KIRREL3: variants seen among roughly 807,000 people sequenced by gnomAD.
The protein encoded by KIRREL3 is kirre like nephrin family adhesion molecule 3.
KIRREL3 carries 36 observed loss-of-function variants against 89.7 expected under a neutral mutation model. That is an observed-to-expected ratio of 0.40 (90% confidence interval 0.31 to 0.53). KIRREL3 has a LOEUF of 0.53. Among genes scored for constraint, KIRREL3 ranks in the 20% least tolerant of loss-of-function variants. The pLI is 0.49. For synonymous variants in KIRREL3, 445 were observed against 441.4 expected (o/e 1.01, Z -0.10); for missense variants, 864 against 1,056.6 (o/e 0.82, Z 2.53).
intron 1 of KIRREL3, among the ~76,000 whole-genome samples, chr11:126,838,563 C>T (rs925653944): frequency 5.3e-5 from 8 of 152,134 alleles, no homozygotes; most frequent in African/African-American, 1.9e-4. Context: ...TTTTAAAGCG[C>T]CTCCCTCTGA....
In KIRREL3 at chr11:126,923,085, A is replaced by ATCTTCT. The variant is rs1310357745; in HGVS notation, c.55+77364_55+77369dup. ...TGTTTCTGCTCAGCTTGCCTTGTGGATCTTCTTCTTCTTCTTCTCCTTCTC... is the reference window on the plus strand; with the variant it reads ...TGTTTCTGCTCAGCTTGCCTTGTGGATCTTCTTCTTCTTCTTCTTCTTCTCCTTCTC... On this transcript the variant is annotated intron_variant, in intron 1 of 16. Coordinates refer to ENST00000525144, the MANE Select transcript of KIRREL3 (RefSeq NM_032531.4). 1.6e-5 allele frequency among the ~76,000 whole-genome samples: 2 copies of ATCTTCT among 122,214 alleles called. 1 individual carries two copies. Among genetic ancestry groups the ATCTTCT allele is most frequent in the African/African-American group, 6.7e-5 (2 of 30,050 alleles). The allele number at this position is 122,214 out of a possible 152,430, so 80.2% of individuals were successfully genotyped here.
chr11:126,450,972 TG>T (rs1473464752), intron 7 of KIRREL3, among the ~76,000 whole-genome samples: 1 of 150,080 alleles, frequency 6.7e-6, no homozygotes, highest in East Asian at 2.0e-4. Context: ...TGTGCATGCA[TG>T]GGTGTGTGCA....
Position 126,808,755 on chromosome 11 carries a change from A to C in KIRREL3, c.55+191700T>G, listed in dbSNP as rs972579544. On this transcript the variant is annotated intron_variant, in intron 1 of 16. Transcript: ENST00000525144. The surrounding 1 kb of genome is among the most constrained non-coding windows in gnomAD (Gnocchi z 4.1). The stretch of plus-strand genomic sequence containing the variant: ...ATTTCCACATGCATATATAGAATGA[A>C]TTGTTGAGACGGAGAATATATTTTG... Among the ~76,000 whole-genome samples the C allele has an allele frequency of 6.6e-6, 1 of 152,176 alleles. No homozygotes were observed. The highest frequency in any genetic ancestry group is 2.1e-4 in the South Asian group (1 of 4,820).
At chr11:126,663,278 C>CG in intron 1 of KIRREL3, among the ~76,000 whole-genome samples, 1 of 149,140 alleles carries the variant, frequency 6.7e-6, no homozygotes, top group African/African-American at 2.5e-5. Context: ...CTCTGCCTCC[C>CG]GGGGTCAAGT....
intron 1 of KIRREL3, among the ~76,000 whole-genome samples, chr11:126,718,846 G>A (rs998998038): frequency 6.6e-6 from 1 of 152,214 alleles, no homozygotes; most frequent in South Asian, 2.1e-4. Context: ...GATACAGGGG[G>A]CCTCACTGAG....
chr11:126,441,484 C>T lies in KIRREL3; in HGVS notation c.1253-935G>A, dbSNP rs1426340108. ...GCTAGCTTAGCCTGGGCTCTGCTGG[C>T]TTCCTGGCTGGGCTGGGTGGTTGAA... is the stretch of plus-strand genomic sequence containing the variant. On this transcript the variant is annotated intron_variant, in intron 10 of 16. Coordinates refer to ENST00000525144, the MANE Select transcript of KIRREL3 (RefSeq NM_032531.4). The surrounding 1 kb of genome is among the most constrained non-coding windows in gnomAD (Gnocchi z 5.0). Among the ~76,000 whole-genome samples the T allele has an allele frequency of 6.6e-6, 1 of 152,230 alleles. No homozygotes were observed. The highest frequency in any genetic ancestry group is 2.4e-5 in the African/African-American group (1 of 41,462).
rs750087290 is a variant in KIRREL3, at chr11:126,463,154, C to T, written c.742+3G>A. The stretch of plus-strand genomic sequence containing the variant: ...TGGGTTGGGGGAGGGGGTGGGTACT[C>T]ACGCTGGATGTCAATGGTGACCGAC... On this transcript the variant is annotated splice_donor_region_variant and intron_variant, in intron 6 of 16. Coordinates refer to ENST00000525144, the MANE Select transcript of KIRREL3 (RefSeq NM_032531.4). The surrounding 1 kb of genome is among the most constrained non-coding windows in gnomAD (Gnocchi z 5.9). 5 of 1,612,246 alleles carry T rather than the reference C, an allele frequency of 3.1e-6. No individual in the cohort carries two copies. The highest frequency in any genetic ancestry group is 2.2e-5 in the South Asian group (2 of 90,904).
rs1211147952 is a variant in KIRREL3 at position 126,484,554 on chromosome 11, G to T, written c.434-11088C>A. The stretch of plus-strand genomic sequence containing the variant: ...AGCAGCAGAGCTGGGATATGGGTAG[G>T]GTTTCCAGACTTAACAAATCAAAGA... On this transcript the variant is annotated intron_variant, in intron 4 of 16. Transcript: ENST00000525144. The surrounding 1 kb of genome is among the most constrained non-coding windows in gnomAD (Gnocchi z 5.2). 6.6e-6 allele frequency among the ~76,000 whole-genome samples: 1 copy of T among 152,120 alleles called. No individual in the cohort carries two copies. The highest frequency in any genetic ancestry group is 1.5e-5 in the Non-Finnish European group (1 of 68,020).
At chr11:126,506,785 T>TTG (rs955942527) in intron 4 of KIRREL3, among the ~76,000 whole-genome samples, 2 of 151,874 alleles carry the variant, frequency 1.3e-5, no homozygotes, top group African/African-American at 4.9e-5. Context: ...CAATTTTTTT[T>TTG]TTTTGTTTTT....
chr11:126,768,301 T>A lies in KIRREL3; in HGVS notation c.56-205389A>T, dbSNP rs1949910894. Among the ~76,000 whole-genome samples, 1 of 151,986 alleles carries A rather than the reference T, an allele frequency of 6.6e-6. No individual in the cohort carries two copies. Among genetic ancestry groups the A allele is most frequent in the Non-Finnish European group, 1.5e-5 (1 of 67,994 alleles). ...ATTCATCCATCCATCCATCCATCCA[T>A]CCAATCTGTCCATCTGTCCATCCAT... On this transcript the variant is annotated intron_variant, in intron 1 of 16. Transcript: ENST00000525144. The surrounding 1 kb of genome is among the most constrained non-coding windows in gnomAD (Gnocchi z 4.5).
intron 4 of KIRREL3, among the ~76,000 whole-genome samples, chr11:126,507,122 C>T (rs1485429019): frequency 1.3e-5 from 2 of 152,136 alleles, no homozygotes; most frequent in African/African-American, 4.8e-5. Flanking sequence ...ACACACAAGG[C>T]CACATATGAT....
At position 126,673,360 on chromosome 11, in the gene KIRREL3, G is replaced by A. The variant is rs192543951; in HGVS notation, c.56-110448C>T. 2.9e-3 allele frequency among the ~76,000 whole-genome samples: 436 copies of A among 152,312 alleles called. 3 individuals carry two copies. Among genetic ancestry groups the A allele is most frequent in the African/African-American group, 0.01 (422 of 41,560 alleles). ...GCAGGCAGAGTTTGGGCTCAGGCAG[G>A]TGGCACCAAGAGGAAAATTTATGGA... is the stretch of plus-strand genomic sequence containing the variant. On this transcript the variant is annotated intron_variant, in intron 1 of 16. Coordinates refer to ENST00000525144, the MANE Select transcript of KIRREL3 (RefSeq NM_032531.4).
rs1488752143 is a variant in KIRREL3 at position 126,523,110 on chromosome 11, C to T, written c.284-1646G>A. Among the ~76,000 whole-genome samples the T allele has an allele frequency of 6.6e-6, 1 of 152,180 alleles. No homozygotes were observed. The highest frequency in any genetic ancestry group is 1.9e-4 in the East Asian group (1 of 5,192). On this transcript the variant is annotated intron_variant, in intron 3 of 16. Coordinates refer to ENST00000525144, the MANE Select transcript of KIRREL3 (RefSeq NM_032531.4). This position sits in a 1 kb window ranked among gnomAD's most constrained non-coding sequence, Gnocchi z 4.9. ...CACCAGCACCAACAGGCAGAATTCA[C>T]ATGGGGAGGTTCTTTAGAATATTCT...
chr11:126,606,205 A>G lies in KIRREL3; in HGVS notation c.56-43293T>C, dbSNP rs1236817644. ...CATCTAAAGCACTCAAATCAGAGTC[A>G]CTAGTATTATTAATGTTAAAATATT... is the stretch of plus-strand genomic sequence containing the variant. On this transcript the variant is annotated intron_variant, in intron 1 of 16. Transcript: ENST00000525144. This position sits in a 1 kb window ranked among gnomAD's most constrained non-coding sequence, Gnocchi z 4.6. 6.6e-6 allele frequency among the ~76,000 whole-genome samples: 1 copy of G among 152,224 alleles called. No individual in the cohort carries two copies. Among genetic ancestry groups the G allele is most frequent in the Non-Finnish European group, 1.5e-5 (1 of 68,042 alleles).
At chr11:126,922,914 C>A (rs1314554130) in intron 1 of KIRREL3, among the ~76,000 whole-genome samples, 10 of 152,166 alleles carry the variant, frequency 6.6e-5, no homozygotes, top group Admixed American at 1.3e-4. Flanking sequence ...TGGTTCTTGC[C>A]GAGGTTGCGA....
intron 1 of KIRREL3, among the ~76,000 whole-genome samples, chr11:126,911,190 G>A (rs1304862708): frequency 6.6e-6 from 1 of 152,126 alleles, no homozygotes; most frequent in Non-Finnish European, 1.5e-5. Context: ...TTCTAGACAT[G>A]GCCCCTCCAA....
At chr11:126,675,435 T>G (rs1946144168) in intron 1 of KIRREL3, among the ~76,000 whole-genome samples, 1 of 152,240 alleles carries the variant, frequency 6.6e-6, no homozygotes, top group South Asian at 2.1e-4. Context: ...ACATTTAGCA[T>G]TGGCTTACCT....
chr11:126,690,455 C>G (rs1434893001), intron 1 of KIRREL3, among the ~76,000 whole-genome samples: 1 of 151,734 alleles, frequency 6.6e-6, no homozygotes, highest in African/African-American at 2.4e-5. Flanking sequence ...TGGGAAGTCA[C>G]CTCCCTTCCC....
At position 126,811,180 on chromosome 11, in the gene KIRREL3, C is replaced by A. The variant is rs377231504; in HGVS notation, c.55+189275G>T. 6.6e-6 allele frequency among the ~76,000 whole-genome samples: 1 copy of A among 152,198 alleles called. No individual in the cohort carries two copies. Among genetic ancestry groups the A allele is most frequent in the African/African-American group, 2.4e-5 (1 of 41,448 alleles). On this transcript the variant is annotated intron_variant, in intron 1 of 16. Transcript: ENST00000525144. The surrounding 1 kb of genome is among the most constrained non-coding windows in gnomAD (Gnocchi z 4.3). ...CAGCTAGCAACTCCATGTGTTGTTACCCCACCTGACAGTTCACAATTCTGT... is the reference window on the plus strand; with the variant it reads ...CAGCTAGCAACTCCATGTGTTGTTAACCCACCTGACAGTTCACAATTCTGT...
Sources: allele counts gnomAD v4.1 joint callset (sites outside exome capture counted in the v4.1 genomes callset), GRCh38; gene constraint gnomAD v4.1.1; non-coding constraint Gnocchi (gnomAD v3.1); transcripts MANE v1.5; gene names NCBI Gene and HGNC (gene_info 2026-07-23, HGNC 2026-07-21).